ALCAM: variants seen among roughly 807,000 people sequenced by gnomAD.
ALCAM encodes the protein activated leukocyte cell adhesion molecule, also known as CD166 antigen.
In ALCAM, 30 loss-of-function variants were observed where a neutral mutation model predicts 70.9. The ratio of observed to expected loss-of-function variants is 0.42; its 90% confidence interval spans 0.32 to 0.57. ALCAM has a LOEUF of 0.57. Ranked by LOEUF, ALCAM falls within the 20% of genes least tolerant of loss-of-function variation. The probability of loss-of-function intolerance (pLI) is 0.11; values close to 1 mark genes in which losing one functional copy is unlikely to be tolerated. For synonymous variants in ALCAM, 249 were observed against 242.5 expected (o/e 1.03, Z -0.25); for missense variants, 591 against 695.1 (o/e 0.85, Z 1.68).
At chr3:105,457,191 G>A (rs1166286593) in intron 1 of ALCAM, among the ~76,000 whole-genome samples, 2 of 152,098 alleles carry the variant, frequency 1.3e-5, no homozygotes, top group African/African-American at 4.8e-5. Context: ...AAGAATAATG[G>A]CCTCCAGCTC....
intron 1 of ALCAM, among the ~76,000 whole-genome samples, chr3:105,490,775 T>A (rs1339954074): frequency 3.3e-5 from 5 of 152,174 alleles, no homozygotes; most frequent in Non-Finnish European, 7.4e-5. Flanking sequence ...GGGCAACCCT[T>A]CCCCTGTGGC....
chr3:105,452,025 T>A (rs113456866), intron 1 of ALCAM, among the ~76,000 whole-genome samples: 37 of 152,272 alleles, frequency 2.4e-4, no homozygotes, highest in African/African-American at 8.7e-4. Flanking sequence ...ATATTCTCAA[T>A]TTTACCTTCA....
At chr3:105,531,118 G>A (rs1229518947) in intron 3 of ALCAM, 2 of 152,166 alleles carry the variant, frequency 1.3e-5, no homozygotes, top group South Asian at 4.1e-4. Flanking sequence ...TATACTTTTT[G>A]TGTAAACTAA....
At chr3:105,528,201 A>C (rs1939753844) in intron 3 of ALCAM, among the ~76,000 whole-genome samples, 1 of 152,200 alleles carries the variant, frequency 6.6e-6, no homozygotes, top group African/African-American at 2.4e-5. Flanking sequence ...CATACAGAGC[A>C]GTTGTGCCGT....
At chr3:105,493,869 A>C (rs1442311255) in intron 1 of ALCAM, among the ~76,000 whole-genome samples, 3 of 152,150 alleles carry the variant, frequency 2.0e-5, no homozygotes, top group African/African-American at 7.2e-5. Context: ...ATATTAGCTT[A>C]TTTTTGGCCT....
intron 1 of ALCAM, among the ~76,000 whole-genome samples, chr3:105,506,445 T>A (rs2152618158): frequency 6.6e-6 from 1 of 152,318 alleles, no homozygotes; most frequent in African/African-American, 2.4e-5. Context: ...TTCCAATTAA[T>A]TACTTCCTGG....
At chr3:105,471,706 C>T (rs1937935460) in intron 1 of ALCAM, among the ~76,000 whole-genome samples, 1 of 150,972 alleles carries the variant, frequency 6.6e-6, no homozygotes, top group Non-Finnish European at 1.5e-5. Context: ...TTATCATGTA[C>T]ATGATGTTTT....
intron 1 of ALCAM, among the ~76,000 whole-genome samples, chr3:105,383,184 T>G (rs1443903671): frequency 6.6e-6 from 1 of 151,766 alleles, no homozygotes; most frequent in East Asian, 1.9e-4. Context: ...TTCCCTGATC[T>G]CTCTAAGGTG....
At chr3:105,371,850 C>A (rs1396334781) in intron 1 of ALCAM, among the ~76,000 whole-genome samples, 4 of 152,104 alleles carry the variant, frequency 2.6e-5, no homozygotes, top group Non-Finnish European at 4.4e-5. Flanking sequence ...GTCTCTGTCT[C>A]AATGTATACA....
At chr3:105,466,427 T>C (rs1937736254) in intron 1 of ALCAM, among the ~76,000 whole-genome samples, 1 of 151,540 alleles carries the variant, frequency 6.6e-6, no homozygotes. Flanking sequence ...TACTGATTTA[T>C]TAAAGCTGCA....
rs550852561 is a variant in ALCAM, at chr3:105,431,915, A to G, written c.73+64434A>G. 4.9e-4 allele frequency among the ~76,000 whole-genome samples: 74 copies of G among 152,300 alleles called. 2 individuals are homozygous for G. In the South Asian group the frequency reaches 0.01, roughly 21 times the overall value. On this transcript the variant is annotated intron_variant, in intron 1 of 15. Transcript: ENST00000306107. ...AATTCTGCACTCATTTTAGATTATA[A>G]TGAAATCTTACTGAACAAATGCTTT...
chr3:105,436,105 C>G (rs918537692), intron 1 of ALCAM, among the ~76,000 whole-genome samples: 2 of 152,150 alleles, frequency 1.3e-5, no homozygotes, highest in African/African-American at 4.8e-5. Context: ...CAAGAACCAG[C>G]ACAGGAAAGA....
chr3:105,493,277 C>T (rs760532635), intron 1 of ALCAM, among the ~76,000 whole-genome samples: 11 of 151,944 alleles, frequency 7.2e-5, no homozygotes, highest in Non-Finnish European at 1.3e-4. Flanking sequence ...AGGGGTATGA[C>T]CATGCTTATG....
chr3:105,555,816 A>G (rs1940502454), intron 14 of ALCAM, among the ~76,000 whole-genome samples: 1 of 151,962 alleles, frequency 6.6e-6, no homozygotes, highest in Non-Finnish European at 1.5e-5. Flanking sequence ...GTGAAATGAC[A>G]TATTCATTTA....
chr3:105,480,723 T>G (rs1325988306), intron 1 of ALCAM, among the ~76,000 whole-genome samples: 3 of 152,154 alleles, frequency 2.0e-5, no homozygotes, highest in African/African-American at 7.2e-5. Context: ...TTTTAAGCTG[T>G]TATTTGCTAT....
At chr3:105,412,944 C>T (rs920802169) in intron 1 of ALCAM, among the ~76,000 whole-genome samples, 12 of 152,058 alleles carry the variant, frequency 7.9e-5, no homozygotes, top group Admixed American at 7.9e-4. Context: ...AATCACTCAT[C>T]ATATAATAAA....
At chr3:105,536,702 C>T (rs1439592280) in intron 6 of ALCAM, among the ~76,000 whole-genome samples, 1 of 152,110 alleles carries the variant, frequency 6.6e-6, no homozygotes, top group Non-Finnish European at 1.5e-5. Flanking sequence ...ACAGTCCTCA[C>T]ATTCAAGGAG....
chr3:105,513,711 C>T (rs548524505), intron 1 of ALCAM, among the ~76,000 whole-genome samples: 72 of 151,984 alleles, frequency 4.7e-4, no homozygotes, highest in Non-Finnish European at 8.0e-4. Context: ...TTGATCATTT[C>T]TAAATAAGAT....
At chr3:105,490,454 T>C (rs1056475953) in intron 1 of ALCAM, among the ~76,000 whole-genome samples, 2 of 152,244 alleles carry the variant, frequency 1.3e-5, no homozygotes, top group African/African-American at 2.4e-5. Flanking sequence ...TTGTTCTTTC[T>C]TTCTTAAGTA....
Sources: allele counts gnomAD v4.1 joint callset (sites outside exome capture counted in the v4.1 genomes callset), GRCh38; gene constraint gnomAD v4.1.1; transcripts MANE v1.5; gene names NCBI Gene and HGNC (gene_info 2026-07-23, HGNC 2026-07-21).